Variants in MSRA observed in about 807,000 individuals in gnomAD.
MSRA encodes methionine sulfoxide reductase A.
Under a neutral mutation model 31.3 loss-of-function variants are expected in MSRA, and 54 were observed. The observed-to-expected ratio is 1.73, with a 90% confidence interval of 1.39 to 2.17. The LOEUF is 2.17. Ranked by LOEUF, MSRA falls within the 30% of genes most tolerant of loss-of-function variation. The probability of loss-of-function intolerance (pLI) is 0.00; values close to 1 mark genes in which losing one functional copy is unlikely to be tolerated. For synonymous variants in MSRA, 169 were observed against 116.5 expected (o/e 1.45, Z -2.90); for missense variants, 507 against 300.9 (o/e 1.69, Z -5.07).
rs993356935 is a variant in MSRA at position 10,269,682 on chromosome 8, G to T, written c.331+24459G>T. 3.9e-5 allele frequency among the ~76,000 whole-genome samples: 6 copies of T among 152,034 alleles called. No individual in the cohort carries two copies. The East Asian group carries it at 1.2e-3, about 29-fold the overall frequency. On this transcript the variant is annotated intron_variant, in intron 3 of 5. Coordinates refer to ENST00000317173, the MANE Select transcript of MSRA (RefSeq NM_012331.5). ...TTTTTGTTTTTTGAGACAGAGTCTG[G>T]CTCTCTCTCCCAGCCTGGAGTGCAG...
At chr8:10,111,104 G>GCTC (rs1478352795) in intron 1 of MSRA, among the ~76,000 whole-genome samples, 30 of 152,140 alleles carry the variant, frequency 2.0e-4, no homozygotes, top group African/African-American at 7.0e-4. Context: ...TAGTCTCCCA[G>GCTC]TAGGACAAAA....
chr8:10,104,660 A>G (rs1358414471), intron 1 of MSRA, among the ~76,000 whole-genome samples: 1 of 152,152 alleles, frequency 6.6e-6, no homozygotes, highest in Non-Finnish European at 1.5e-5. Context: ...GAGAGAATAG[A>G]TTGTAAATGT....
intron 1 of MSRA, among the ~76,000 whole-genome samples, chr8:10,092,624 C>T (rs540516146): frequency 2.5e-4 from 37 of 148,266 alleles, no homozygotes; most frequent in Middle Eastern, 3.5e-3. Flanking sequence ...TGCCTGGTGA[C>T]GGAGTGAGAT....
intron 5 of MSRA, among the ~76,000 whole-genome samples, chr8:10,392,698 T>G: frequency 6.7e-6 from 1 of 148,754 alleles, no homozygotes. Flanking sequence ...TTTTTTTAAA[T>G]CTATGATATT....
At chr8:10,095,028 C>T (rs1487803976) in intron 1 of MSRA, among the ~76,000 whole-genome samples, 3 of 152,214 alleles carry the variant, frequency 2.0e-5, no homozygotes, top group Non-Finnish European at 4.4e-5. Context: ...TCAATCAAAA[C>T]TATATTCATT....
intron 1 of MSRA, among the ~76,000 whole-genome samples, chr8:10,148,822 C>T (rs1366038889): frequency 1.2e-5 from 1 of 82,568 alleles, no homozygotes; most frequent in Non-Finnish European, 2.3e-5. Flanking sequence ...AAAAAGGAAA[C>T]TCTGTCTCAA....
At chr8:10,091,791 G>A (rs530809124) in intron 1 of MSRA, among the ~76,000 whole-genome samples, 3 of 152,088 alleles carry the variant, frequency 2.0e-5, no homozygotes, top group African/African-American at 7.2e-5. Context: ...AGTTTTAGTA[G>A]AGGTGGGATT....
intron 1 of MSRA, among the ~76,000 whole-genome samples, chr8:10,174,909 A>T (rs957876116): frequency 1.3e-5 from 2 of 152,268 alleles, no homozygotes; most frequent in African/African-American, 4.8e-5. Context: ...ATCTCCCCAG[A>T]CAGGCTGCCT....
intron 3 of MSRA, among the ~76,000 whole-genome samples, chr8:10,292,197 C>T (rs374523304): frequency 1.3e-5 from 2 of 152,154 alleles, no homozygotes; most frequent in African/African-American, 4.8e-5. Context: ...TGTGGGATTC[C>T]ATCTAGGGAC....
intron 5 of MSRA, among the ~76,000 whole-genome samples, chr8:10,417,552 C>G (rs1169575964): frequency 6.6e-6 from 1 of 152,114 alleles, no homozygotes; most frequent in Non-Finnish European, 1.5e-5. Context: ...ATCTGCTCTG[C>G]ACCACTCAGC....
intron 1 of MSRA, among the ~76,000 whole-genome samples, chr8:10,179,296 G>A (rs538875711): frequency 5.7e-4 from 87 of 152,300 alleles, no homozygotes; most frequent in African/African-American, 2.1e-3. Context: ...TAGGTACCAA[G>A]GACAGAAGGA....
At chr8:10,075,552 T>C (rs1156507524) in intron 1 of MSRA, among the ~76,000 whole-genome samples, 1 of 152,204 alleles carries the variant, frequency 6.6e-6, no homozygotes, top group Non-Finnish European at 1.5e-5. Flanking sequence ...TGTAAAAATA[T>C]TGGTGAGTGA....
intron 1 of MSRA, among the ~76,000 whole-genome samples, chr8:10,107,747 G>T (rs1410406575): frequency 6.6e-6 from 1 of 152,216 alleles, no homozygotes; most frequent in Non-Finnish European, 1.5e-5. Context: ...GGAACAGAGT[G>T]TGACAGTAGT....
chr8:10,422,867 C>T (rs1808896314), intron 5 of MSRA, among the ~76,000 whole-genome samples: 1 of 152,214 alleles, frequency 6.6e-6, no homozygotes, highest in African/African-American at 2.4e-5. Context: ...TTACTTCAAC[C>T]AGGCAAGTCC....
chr8:10,154,723 A>T (rs1480308531), intron 1 of MSRA, among the ~76,000 whole-genome samples: 1 of 152,170 alleles, frequency 6.6e-6, no homozygotes, highest in Admixed American at 6.5e-5. Flanking sequence ...TAAATGAAAC[A>T]ATTCTACTTT....
chr8:10,199,125 C>T (rs549351685), intron 1 of MSRA, among the ~76,000 whole-genome samples: 1 of 152,276 alleles, frequency 6.6e-6, no homozygotes, highest in East Asian at 1.9e-4. Flanking sequence ...TTTGCAGAAT[C>T]ATGGATGCCT....
At chr8:10,183,985 C>G (rs10105511) in intron 1 of MSRA, among the ~76,000 whole-genome samples, 1 of 149,660 alleles carries the variant, frequency 6.7e-6, no homozygotes, top group East Asian at 2.0e-4. Context: ...AGTAGTGTTG[C>G]TGGTTTTCTT....
chr8:10,322,181 T>C (rs17707665), intron 5 of MSRA, among the ~76,000 whole-genome samples: 14,406 of 152,188 alleles, frequency 0.095, 956 homozygotes, highest in Non-Finnish European at 0.15. Flanking sequence ...ATATGTTCTA[T>C]TTGACTCAAG....
chr8:10,223,453 T>A (rs1204469254), intron 2 of MSRA, among the ~76,000 whole-genome samples: 1 of 152,228 alleles, frequency 6.6e-6, no homozygotes, highest in East Asian at 1.9e-4. Context: ...TTAACTCTTT[T>A]ACCTCCACAG....
Sources: allele counts gnomAD v4.1 joint callset (sites outside exome capture counted in the v4.1 genomes callset), GRCh38; gene constraint gnomAD v4.1.1; transcripts MANE v1.5; gene names NCBI Gene and HGNC (gene_info 2026-07-23, HGNC 2026-07-21).